FOXO3: variants seen among roughly 807,000 people sequenced by gnomAD.
The protein encoded by FOXO3 is forkhead box O3.
Under a neutral mutation model 41.9 loss-of-function variants are expected in FOXO3, and 4 were observed. That is an observed-to-expected ratio of 0.10 (90% CI 0.05 to 0.22). The LOEUF is 0.22. Ranked by LOEUF, FOXO3 falls within the 10% of genes least tolerant of loss-of-function variation. The pLI, the probability that FOXO3 is intolerant of heterozygous loss-of-function variation, is 1.00. For missense variants in FOXO3, 534 were observed against 906.8 expected, an observed-to-expected ratio of 0.59 and a Z score of 5.28; for synonymous variants, 318 against 389.3, an observed-to-expected ratio of 0.82 and a Z score of 2.16.
At chr6:108,567,066 T>C (rs1269359040) in intron 1 of FOXO3, among the ~76,000 whole-genome samples, 2 of 152,236 alleles carry the variant, frequency 1.3e-5, no homozygotes, top group Non-Finnish European at 2.9e-5. Context: ...CATATTCTGA[T>C]GGAGGAGACA....
intron 1 of FOXO3, among the ~76,000 whole-genome samples, chr6:108,655,570 A>G (rs1054969267): frequency 3.9e-5 from 6 of 152,208 alleles, no homozygotes; most frequent in African/African-American, 1.4e-4. Context: ...TACCCCATCT[A>G]TTGAATCAAA....
At chr6:108,618,225 C>A (rs749161421) in intron 1 of FOXO3, 1 of 826,898 alleles carries the variant, frequency 1.2e-6, no homozygotes, top group Non-Finnish European at 2.1e-6. Flanking sequence ...TGCCCCACCA[C>A]CTTCAAATTA....
chr6:108,576,702 G>T (rs1273139135), intron 1 of FOXO3, among the ~76,000 whole-genome samples: 1 of 152,196 alleles, frequency 6.6e-6, no homozygotes, highest in Non-Finnish European at 1.5e-5. Flanking sequence ...AATACATCTG[G>T]ATTTTTATCT....
At chr6:108,672,474 G>C (rs1301020647) in intron 2 of FOXO3, among the ~76,000 whole-genome samples, 2 of 152,216 alleles carry the variant, frequency 1.3e-5, no homozygotes, top group African/African-American at 4.8e-5. Context: ...TGGACACTGG[G>C]ATGCAGGTCT....
At chr6:108,620,987 C>G (rs771455333) in intron 1 of FOXO3, among the ~76,000 whole-genome samples, 1 of 152,086 alleles carries the variant, frequency 6.6e-6, no homozygotes, top group Non-Finnish European at 1.5e-5. Context: ...TAAGTCATAT[C>G]TTATTTAAAG....
At chr6:108,575,548 T>C (rs1776240307) in intron 1 of FOXO3, among the ~76,000 whole-genome samples, 1 of 152,210 alleles carries the variant, frequency 6.6e-6, no homozygotes, top group African/African-American at 2.4e-5. Flanking sequence ...AGCGTTGCGA[T>C]GGGTCTTCCA....
intron 1 of FOXO3, among the ~76,000 whole-genome samples, chr6:108,570,030 C>T (rs1428296389): frequency 4.2e-5 from 5 of 117,812 alleles, no homozygotes; most frequent in South Asian, 2.9e-4. Context: ...GACAGAATCT[C>T]GCTCTGTCGC....
At chr6:108,648,539 G>A (rs1257396006) in intron 1 of FOXO3, among the ~76,000 whole-genome samples, 1 of 152,176 alleles carries the variant, frequency 6.6e-6, no homozygotes. Context: ...AGCCATGTAT[G>A]TCTGCCTCTC....
At chr6:108,669,199 C>T (rs1291661699) in intron 2 of FOXO3, among the ~76,000 whole-genome samples, 1 of 152,196 alleles carries the variant, frequency 6.6e-6, no homozygotes, top group Non-Finnish European at 1.5e-5. Flanking sequence ...TGTTATGATA[C>T]AGAGCTAGAA....
intron 1 of FOXO3, among the ~76,000 whole-genome samples, chr6:108,658,120 C>G (rs1035858655): frequency 6.6e-6 from 1 of 152,142 alleles, no homozygotes; most frequent in African/African-American, 2.4e-5. Context: ...TAACTATAAT[C>G]AGAATCATGA....
intron 1 of FOXO3, among the ~76,000 whole-genome samples, chr6:108,616,971 T>G (rs1777533877): frequency 6.6e-6 from 1 of 152,224 alleles, no homozygotes; most frequent in Non-Finnish European, 1.5e-5. Context: ...CTTAATTTCT[T>G]TTTATTGCTA....
intron 1 of FOXO3, among the ~76,000 whole-genome samples, chr6:108,614,446 T>C (rs2128370407): frequency 6.6e-6 from 1 of 152,288 alleles, no homozygotes; most frequent in South Asian, 2.1e-4. Flanking sequence ...TCCTGATACA[T>C]TGACTCTTCT....
Position 108,608,499 on chromosome 6 carries a change from A to C in FOXO3, c.621+46670A>C, listed in dbSNP as rs541092937. ...ACTTTGCAGAACTTTTTGGGTTAAAAAAAACAACTACTCTTTTCTGGTGCT... is the reference window on the plus strand; with the variant it reads ...ACTTTGCAGAACTTTTTGGGTTAAACAAAACAACTACTCTTTTCTGGTGCT... On this transcript the variant is annotated intron_variant, in intron 1 of 2. Transcript: ENST00000406360. Among the ~76,000 whole-genome samples the C allele has an allele frequency of 1.8e-4, 28 of 152,332 alleles. No individual in the cohort carries two copies. In the South Asian group the frequency reaches 5.6e-3, roughly 30 times the overall value.
intron 1 of FOXO3, among the ~76,000 whole-genome samples, chr6:108,588,094 C>T (rs79766413): frequency 1.9e-3 from 285 of 152,328 alleles, no homozygotes; most frequent in Non-Finnish European, 3.2e-3. Flanking sequence ...AAGTTAACAG[C>T]TCTAAGTTCT....
chr6:108,602,783 T>C (rs551655067), intron 1 of FOXO3, among the ~76,000 whole-genome samples: 52 of 152,330 alleles, frequency 3.4e-4, no homozygotes, highest in African/African-American at 1.2e-3. Flanking sequence ...CTGTGTGTTT[T>C]GTATTATAGG....
intron 1 of FOXO3, among the ~76,000 whole-genome samples, chr6:108,579,178 C>A (rs952297872): frequency 1.3e-5 from 2 of 152,154 alleles, no homozygotes; most frequent in African/African-American, 4.8e-5. Flanking sequence ...GATTACAGTT[C>A]ATTCTGCTGT....
chr6:108,596,297 C>T (rs1338337259), intron 1 of FOXO3, among the ~76,000 whole-genome samples: 3 of 144,188 alleles, frequency 2.1e-5, no homozygotes, highest in Non-Finnish European at 3.0e-5. Flanking sequence ...TTACCTAAGA[C>T]ATTTTGCATG....
chr6:108,614,986 A>G (rs1275698806), intron 1 of FOXO3, among the ~76,000 whole-genome samples: 1 of 152,088 alleles, frequency 6.6e-6, no homozygotes, highest in Non-Finnish European at 1.5e-5. Flanking sequence ...AACTGATGAT[A>G]GTCAATCTTC....
At chr6:108,655,693 GA>G (rs1379426130) in intron 1 of FOXO3, among the ~76,000 whole-genome samples, 1 of 152,180 alleles carries the variant, frequency 6.6e-6, no homozygotes, top group African/African-American at 2.4e-5. Context: ...AATTGCCTTT[GA>G]AAGATCCTGT....
Sources: gnomAD v4.1 joint callset for allele counts (sites outside exome capture counted in the v4.1 genomes callset) on GRCh38, gnomAD v4.1.1 for gene constraint, MANE v1.5 for transcripts, NCBI Gene and HGNC (gene_info 2026-07-23, HGNC 2026-07-21) for gene names.